CABP1: variants seen among roughly 807,000 people sequenced by gnomAD.
CABP1 encodes the protein calcium-binding protein 1.
In CABP1, 17 loss-of-function variants were observed where a neutral mutation model predicts 34.3. That is an observed-to-expected ratio of 0.50 (90% CI 0.34 to 0.74). The LOEUF (loss-of-function observed/expected upper bound fraction) is 0.74. Among genes scored for constraint, CABP1 ranks in the 30% least tolerant of loss-of-function variants. The pLI is 0.01. For missense variants in CABP1, 373 were observed against 511.1 expected (o/e 0.73, Z 2.61); for synonymous variants, 198 against 229.2 (o/e 0.86, Z 1.23).
chr12:120,679,335 C>A, the CABP1 span, among the ~76,000 whole-genome samples: 1 of 152,186 alleles, frequency 6.6e-6, no homozygotes, highest in Non-Finnish European at 1.5e-5. Flanking sequence ...TGGATTCTGG[C>A]TGTTCATTGT....
chr12:120,669,072 C>T (rs1163510531), downstream of CABP1, among the ~76,000 whole-genome samples: 2 of 152,066 alleles, frequency 1.3e-5, no homozygotes, highest in Non-Finnish European at 2.9e-5. Context: ...TGGTGTGCCT[C>T]CAGGCAGCCA....
chr12:120,649,448 A>G (rs947986789), intron 1 of CABP1, among the ~76,000 whole-genome samples: 6 of 152,190 alleles, frequency 3.9e-5, no homozygotes, highest in Non-Finnish European at 7.3e-5. Flanking sequence ...GTAGGTCTCA[A>G]ACCGGACATC....
chr12:120,652,869 G>A (rs951793775), intron 1 of CABP1, among the ~76,000 whole-genome samples: 1 of 152,142 alleles, frequency 6.6e-6, no homozygotes, highest in Non-Finnish European at 1.5e-5. Context: ...CTTGGTGCCA[G>A]GAGAAATTGT....
At chr12:120,670,081 C>T (rs1881199682), downstream of CABP1, among the ~76,000 whole-genome samples, 3 of 152,144 alleles carry the variant, frequency 2.0e-5, no homozygotes, top group South Asian at 6.2e-4. Context: ...TAGCTCACTG[C>T]AGTCTTGAAC....
chr12:120,680,481 C>A, the CABP1 span, among the ~76,000 whole-genome samples: 1 of 152,140 alleles, frequency 6.6e-6, no homozygotes, highest in Non-Finnish European at 1.5e-5. Flanking sequence ...AGCAAACCAG[C>A]CCCAGCTGAA....
intron 1 of CABP1, among the ~76,000 whole-genome samples, chr12:120,649,039 A>T (rs968784665): frequency 1.3e-5 from 2 of 151,902 alleles, no homozygotes; most frequent in Non-Finnish European, 2.9e-5. Flanking sequence ...TTTAGTCATC[A>T]ATACCCGCCC....
intron 5 of CABP1, among the ~76,000 whole-genome samples, chr12:120,665,681 G>A (rs1437263763): frequency 6.6e-6 from 1 of 151,492 alleles, no homozygotes; most frequent in African/African-American, 2.4e-5. Flanking sequence ...AAAAATCTCC[G>A]TACTTTCTAA....
chr12:120,648,218 TCAGA>T (rs938810072), intron 1 of CABP1, among the ~76,000 whole-genome samples: 3 of 152,178 alleles, frequency 2.0e-5, no homozygotes, highest in African/African-American at 7.2e-5. Flanking sequence ...TCCCCTAGAC[TCAGA>T]CAGATTCCCC....
At chr12:120,677,390 CTTTT>C in the CABP1 span, among the ~76,000 whole-genome samples, 3 of 76,792 alleles carry the variant, frequency 3.9e-5, no homozygotes, top group African/African-American at 5.6e-5. Context: ...GCCCAGCCTT[CTTTT>C]TTTTTTTTTT....
intron 1 of CABP1, 63 bp from the exon 2 acceptor site, chr12:120,659,815 T>G: frequency 6.5e-6 from 10 of 1,534,998 alleles, no homozygotes; most frequent in South Asian, 1.1e-5. Flanking sequence ...GGCCCCCAGG[T>G]TAGGTATTTT....
At chr12:120,663,923 T>C (rs1880805586) in intron 5 of CABP1, among the ~76,000 whole-genome samples, 5 of 152,210 alleles carry the variant, frequency 3.3e-5, no homozygotes, top group Admixed American at 2.0e-4. Context: ...GGAACTTGCA[T>C]TCTGAGCAGA....
Position 120,641,087 on chromosome 12 carries a change from C to A in CABP1, c.402C>A (p.Ser134Arg). ...PAPREEGARG[S>R]QRVLPQAHCR... ...CGCGAGAGGAGGGCGCGCGGGGGAGCCAGCGTGTGCTCCCCCAGGCGCACT... is the reference window on the plus strand; with the variant it reads ...CGCGAGAGGAGGGCGCGCGGGGGAGACAGCGTGTGCTCCCCCAGGCGCACT... Residue 134 changes from serine to arginine, a missense_variant, in exon 1 of 6, where the codon AGC becomes AGA. By Grantham distance (110) the Ser-to-Arg change is moderately radical. Transcript: ENST00000316803. This position sits in a 1 kb window ranked among gnomAD's most constrained non-coding sequence, Gnocchi z 6.7. 1 of 1,200,276 alleles carries A rather than the reference C, an allele frequency of 8.3e-7. No individual in the cohort carries two copies. The highest frequency in any genetic ancestry group is 1.0e-6 in the Non-Finnish European group (1 of 967,860). 74.4% of individuals were successfully genotyped at this position (1,200,276 alleles called of 1,614,324 possible).
In CABP1 at chr12:120,661,564, A is replaced by G. The variant is rs1566001286; in HGVS notation, c.1087+346A>G. On this transcript the variant is annotated intron_variant, in intron 5 of 5. Transcript: ENST00000316803. This position sits in a 1 kb window ranked among gnomAD's most constrained non-coding sequence, Gnocchi z 5.1. ...CCATCCATCCTCTACCTATCCATCC[A>G]TCTGTCCATTTATCCATTCATCCAT... 4.6e-6 allele frequency: 1 copy of G among 218,916 alleles called. No homozygotes were observed. The highest frequency in any genetic ancestry group is 8.1e-5 in the South Asian group (1 of 12,324). 13.6% of individuals were successfully genotyped at this position (218,916 alleles called of 1,614,324 possible).
Position 120,666,952 on chromosome 12 carries a change from G to T in CABP1, c.*52G>T. ...CAAGCTCCCAAAGGCGGGGCTAAGAGGAGCTAGAGCTTGCCTCACCCGCTG... is the reference window on the plus strand; with the variant it reads ...CAAGCTCCCAAAGGCGGGGCTAAGATGAGCTAGAGCTTGCCTCACCCGCTG... On this transcript the variant is annotated 3_prime_UTR_variant, in exon 6 of 6. Coordinates refer to ENST00000316803, the MANE Select transcript of CABP1 (RefSeq NM_001033677.2). 1 of 1,569,994 alleles carries T rather than the reference G, an allele frequency of 6.4e-7. No homozygotes were observed.
At position 120,655,823 on chromosome 12, in the gene CABP1, G is replaced by A. The variant is rs528118037; in HGVS notation, c.655-4055G>A. 4.0e-5 allele frequency: 57 copies of A among 1,442,378 alleles called. No homozygotes were observed. The East Asian group carries it at 4.0e-4, about 10-fold the overall frequency. 89.3% of individuals were successfully genotyped at this position (1,442,378 alleles called of 1,614,324 possible). A position where few individuals can be genotyped will look rare whatever the true frequency, so the allele number is the denominator to read the frequency against. The stretch of plus-strand genomic sequence containing the variant: ...TCTGTGCATATGTATGTGCCAGTGC[G>A]TGCGTGCGTGTGTGTGTGTGTGTGT... On this transcript the variant is annotated intron_variant, in intron 1 of 5. Transcript: ENST00000316803.
chr12:120,680,200 G>C, the CABP1 span, among the ~76,000 whole-genome samples: 1 of 152,104 alleles, frequency 6.6e-6, no homozygotes, highest in Non-Finnish European at 1.5e-5. Context: ...CTTCCATGTC[G>C]TCTGCATTTT....
intron 1 of CABP1, among the ~76,000 whole-genome samples, chr12:120,654,291 C>A (rs1476481057): frequency 1.3e-5 from 2 of 152,138 alleles, no homozygotes; most frequent in South Asian, 2.1e-4. Context: ...ACTGCACCAC[C>A]CTCTCTAGGC....
At chr12:120,644,276 C>G (rs1299674141) in intron 1 of CABP1, among the ~76,000 whole-genome samples, 1 of 152,150 alleles carries the variant, frequency 6.6e-6, no homozygotes, top group Non-Finnish European at 1.5e-5. Flanking sequence ...ATAGTGAGTG[C>G]TGGATAAAGG....
chr12:120,661,062 C>G lies in CABP1; in HGVS notation c.940-9C>G, dbSNP rs1880595529. On this transcript the variant is annotated splice_polypyrimidine_tract_variant and intron_variant, in intron 4 of 5. Transcript: ENST00000316803. This position sits in a 1 kb window ranked among gnomAD's most constrained non-coding sequence, Gnocchi z 5.1. ...GGGGCGACCTCTCCTTCCTTCCTGC[C>G]TTCTCTAGTTTGACACCAATGGTGA... 1.9e-6 allele frequency: 3 copies of G among 1,610,628 alleles called. No individual in the cohort carries two copies. Among genetic ancestry groups the G allele is most frequent in the Non-Finnish European group, 2.5e-6 (3 of 1,178,462 alleles).
Sources: allele counts gnomAD v4.1 joint callset (sites outside exome capture counted in the v4.1 genomes callset), GRCh38; gene constraint gnomAD v4.1.1; non-coding constraint Gnocchi (gnomAD v3.1); transcripts MANE v1.5; gene names NCBI Gene and HGNC (gene_info 2026-07-23, HGNC 2026-07-21).